GSTCD: variants seen among roughly 807,000 people sequenced by gnomAD.
GSTCD encodes the protein glutathione S-transferase C-terminal domain-containing protein.
In GSTCD, 44 loss-of-function variants were observed where a neutral mutation model predicts 68.3. The ratio of observed to expected loss-of-function variants is 0.64; its 90% CI spans 0.51 to 0.83. The LOEUF (loss-of-function observed/expected upper bound fraction) is 0.83. Ranked by LOEUF, GSTCD falls within the 40% of genes least tolerant of loss-of-function variation. GSTCD has a pLI of 0.00. For synonymous variants in GSTCD, 273 were observed against 255.2 expected (o/e 1.07, Z -0.67); for missense variants, 739 against 735.9 (o/e 1.00, Z -0.05).
intron 5 of GSTCD, among the ~76,000 whole-genome samples, chr4:105,787,496 G>A: frequency 6.6e-6 from 1 of 152,092 alleles, no homozygotes; most frequent in Non-Finnish European, 1.5e-5. Flanking sequence ...GACCACAGGT[G>A]ATTCTGACTC....
Position 105,845,738 on chromosome 4 carries a change from C to T in GSTCD, c.*161C>T. Reference sequence around the variant, plus strand: ...GGGAAATCTTGGAAGTAAAGGCTCCCTGCAAAGCATCACAAATGCTTTACA... The same window carrying T: ...GGGAAATCTTGGAAGTAAAGGCTCCTTGCAAAGCATCACAAATGCTTTACA... On this transcript the variant is annotated 3_prime_UTR_variant, in exon 12 of 12. Coordinates refer to ENST00000515279, the MANE Select transcript of GSTCD (RefSeq NM_001370181.1). 2 of 662,262 alleles carry T rather than the reference C, an allele frequency of 3.0e-6. No homozygotes were observed. The highest frequency in any genetic ancestry group is 2.6e-6 in the Non-Finnish European group (1 of 390,406). The allele number at this position is 662,262 out of a possible 1,614,324, so 41.0% of individuals were successfully genotyped here. A position where few individuals can be genotyped will look rare whatever the true frequency, so the allele number is the denominator to read the frequency against.
rs149281950 is a variant in GSTCD at position 105,743,239 on chromosome 4, C to T, written c.1240+13740C>T. Among the ~76,000 whole-genome samples the T allele has an allele frequency of 3.3e-4, 50 of 152,158 alleles. 2 individuals carry two copies. The East Asian group carries it at 8.1e-3, about 25-fold the overall frequency. On this transcript the variant is annotated intron_variant, in intron 5 of 11. Transcript: ENST00000515279. ...TACTGGGATTACAGGCATGACCCAC[C>T]GCACCCAGCCTGTAATTTCTTATAC... is the stretch of plus-strand genomic sequence containing the variant.
intron 1 of GSTCD, among the ~76,000 whole-genome samples, chr4:105,711,446 A>G (rs889608020): frequency 1.3e-5 from 2 of 152,254 alleles, no homozygotes; most frequent in African/African-American, 4.8e-5. Flanking sequence ...TTCAATCAAT[A>G]TAAATCCTTT....
chr4:105,825,319 G>C (rs191880077), intron 7 of GSTCD, among the ~76,000 whole-genome samples: 14 of 152,126 alleles, frequency 9.2e-5, no homozygotes, highest in Admixed American at 3.9e-4. Flanking sequence ...TAGTAGAGAC[G>C]GGGTTTCACC....
chr4:105,787,786 A>T (rs538798328), intron 5 of GSTCD, among the ~76,000 whole-genome samples: 1 of 152,156 alleles, frequency 6.6e-6, no homozygotes, highest in East Asian at 1.9e-4. Flanking sequence ...CCCCCTTGGG[A>T]GCTAGATTTA....
intron 4 of GSTCD, among the ~76,000 whole-genome samples, chr4:105,727,570 A>G (rs1391825091): frequency 6.6e-6 from 1 of 151,598 alleles, no homozygotes; most frequent in Non-Finnish European, 1.5e-5. Context: ...CTCAATTTAC[A>G]TTCCAAGGTT....
intron 5 of GSTCD, among the ~76,000 whole-genome samples, chr4:105,769,170 C>T (rs1330464526): frequency 6.6e-6 from 1 of 151,384 alleles, no homozygotes; most frequent in Non-Finnish European, 1.5e-5. Context: ...ATTTTATTTT[C>T]AATCATTTCT....
At chr4:105,790,887 C>T (rs2149255206) in intron 5 of GSTCD, among the ~76,000 whole-genome samples, 1 of 151,936 alleles carries the variant, frequency 6.6e-6, no homozygotes, top group South Asian at 2.1e-4. Flanking sequence ...AAGTGATAAC[C>T]AACATCCACT....
At chr4:105,741,846 A>G (rs1363325225) in intron 5 of GSTCD, among the ~76,000 whole-genome samples, 1 of 152,204 alleles carries the variant, frequency 6.6e-6, no homozygotes, top group Non-Finnish European at 1.5e-5. Flanking sequence ...TAAAAGGTTT[A>G]TAGTCTGTTA....
intron 4 of GSTCD, among the ~76,000 whole-genome samples, chr4:105,729,146 A>G (rs1179953010): frequency 3.3e-5 from 5 of 152,102 alleles, no homozygotes; most frequent in East Asian, 1.9e-4. Context: ...TATTGCTTCT[A>G]TGGATTTTCT....
intron 5 of GSTCD, among the ~76,000 whole-genome samples, chr4:105,802,074 T>A (rs1280388284): frequency 6.6e-6 from 1 of 152,142 alleles, no homozygotes; most frequent in African/African-American, 2.4e-5. Context: ...TAATTTATTC[T>A]TATTGTAAAA....
intron 5 of GSTCD, chr4:105,746,531 ATAAT>A (rs1733807829): frequency 6.6e-6 from 1 of 152,240 alleles, no homozygotes; most frequent in African/African-American, 2.4e-5. Context: ...GCTTGGGATA[ATAAT>A]TTATGAAATC....
In GSTCD at chr4:105,730,997, G is replaced by A. The variant is rs557228254; in HGVS notation, c.1240+1498G>A. Among the ~76,000 whole-genome samples the A allele has an allele frequency of 4.6e-5, 7 of 151,034 alleles. No individual in the cohort carries two copies. In the East Asian group the frequency reaches 1.4e-3, roughly 30 times the overall value. ...TTCCCAGCATCATTTATTAAATGGGGAATTTCTTGTTTTTGTCAGGTTTGT... is the reference window on the plus strand; with the variant it reads ...TTCCCAGCATCATTTATTAAATGGGAAATTTCTTGTTTTTGTCAGGTTTGT... On this transcript the variant is annotated intron_variant, in intron 5 of 11. Coordinates refer to ENST00000515279, the MANE Select transcript of GSTCD (RefSeq NM_001370181.1).
In GSTCD at chr4:105,816,757, C is replaced by T. The variant is rs564741549; in HGVS notation, c.1241-6197C>T. Reference sequence around the variant, plus strand: ...ATTAAAAGCATCTGTTTAAGACAGACATAACAGATCATATTGAAAAGAAGA... The same window carrying T: ...ATTAAAAGCATCTGTTTAAGACAGATATAACAGATCATATTGAAAAGAAGA... On this transcript the variant is annotated intron_variant, in intron 5 of 11. Coordinates refer to ENST00000515279, the MANE Select transcript of GSTCD (RefSeq NM_001370181.1). 2.0e-5 allele frequency among the ~76,000 whole-genome samples: 3 copies of T among 152,110 alleles called. No homozygotes were observed. The East Asian group carries it at 5.8e-4, about 29-fold the overall frequency.
At chr4:105,747,499 A>C (rs1456396144) in intron 5 of GSTCD, among the ~76,000 whole-genome samples, 1 of 152,218 alleles carries the variant, frequency 6.6e-6, no homozygotes, top group Non-Finnish European at 1.5e-5. Context: ...AACCAATATA[A>C]TGCATGCACT....
chr4:105,810,282 T>A (rs1052974092), intron 5 of GSTCD, among the ~76,000 whole-genome samples: 1 of 152,120 alleles, frequency 6.6e-6, no homozygotes, highest in Non-Finnish European at 1.5e-5. Context: ...GTATCATATA[T>A]ATGTGGGATT....
At chr4:105,737,895 A>T (rs1388601910) in intron 5 of GSTCD, among the ~76,000 whole-genome samples, 1 of 152,186 alleles carries the variant, frequency 6.6e-6, no homozygotes, top group Non-Finnish European at 1.5e-5. Context: ...CAGATTCCTT[A>T]TGATTGGCTT....
chr4:105,821,937 A>G (rs772393624), intron 5 of GSTCD, among the ~76,000 whole-genome samples: 20 of 151,856 alleles, frequency 1.3e-4, no homozygotes, highest in Non-Finnish European at 2.7e-4. Flanking sequence ...ACTTAGTAAC[A>G]TAAGAGAGAA....
At chr4:105,814,518 A>T (rs1722892808) in intron 5 of GSTCD, among the ~76,000 whole-genome samples, 1 of 152,202 alleles carries the variant, frequency 6.6e-6, no homozygotes, top group South Asian at 2.1e-4. Context: ...AGGCTGAGGC[A>T]GGAGAATTGC....
Sources: gnomAD v4.1 joint callset for allele counts (sites outside exome capture counted in the v4.1 genomes callset) on GRCh38, gnomAD v4.1.1 for gene constraint, MANE v1.5 for transcripts, NCBI Gene and HGNC (gene_info 2026-07-23, HGNC 2026-07-21) for gene names.